The following STK10 variants were observed in gnomAD, a reference collection of about 807,000 sequenced individuals.
The protein encoded by STK10 is serine/threonine kinase 10, also known as serine/threonine-protein kinase 10.
A neutral mutation model predicts 113.8 loss-of-function variants in STK10; 78 were observed. The ratio of observed to expected loss-of-function variants is 0.69; its 90% CI spans 0.57 to 0.83. The LOEUF is 0.83. STK10 is among the 40% of genes least tolerant of loss of function. The probability of loss-of-function intolerance (pLI) is 0.00; values close to 1 mark genes in which losing one functional copy is unlikely to be tolerated. For missense variants in STK10, 1,109 were observed against 1,280.1 expected (o/e 0.87, Z 2.04); for synonymous variants, 465 against 494.7 (o/e 0.94, Z 0.80).
chr5:172,079,170 G>A (rs982975162), intron 12 of STK10, among the ~76,000 whole-genome samples: 1 of 152,166 alleles, frequency 6.6e-6, no homozygotes, highest in African/African-American at 2.4e-5. Context: ...GCCCTACGTG[G>A]TCTCTGCCTA....
intron 1 of STK10, among the ~76,000 whole-genome samples, chr5:172,162,438 T>G (rs1016908565): frequency 3.3e-5 from 5 of 152,072 alleles, no homozygotes; most frequent in African/African-American, 4.8e-5. Context: ...TCACTTGCTC[T>G]CTCTCTCTCT....
At chr5:172,179,350 C>A (rs1187481611) in intron 1 of STK10, among the ~76,000 whole-genome samples, 2 of 152,190 alleles carry the variant, frequency 1.3e-5, no homozygotes, top group Non-Finnish European at 2.9e-5. Context: ...TCACCACCAC[C>A]CTGTTCCACT....
At chr5:172,143,711 A>C (rs929359357) in intron 2 of STK10, among the ~76,000 whole-genome samples, 1 of 152,220 alleles carries the variant, frequency 6.6e-6, no homozygotes, top group Non-Finnish European at 1.5e-5. Flanking sequence ...GGTCATTTGC[A>C]ACATGGACTA....
chr5:172,132,374 T>G (rs981718607), intron 2 of STK10, among the ~76,000 whole-genome samples: 7 of 149,662 alleles, frequency 4.7e-5, no homozygotes, highest in East Asian at 1.9e-4. Flanking sequence ...GGGGCTTTAG[T>G]TTTTTTTTAA....
chr5:172,136,394 G>A (rs779736157), intron 2 of STK10, among the ~76,000 whole-genome samples: 12 of 152,070 alleles, frequency 7.9e-5, no homozygotes, highest in African/African-American at 1.4e-4. Context: ...TCAGGAGTTC[G>A]AGACCAGCCT....
At chr5:172,051,282 T>C (rs887066943) in intron 18 of STK10, among the ~76,000 whole-genome samples, 1 of 152,154 alleles carries the variant, frequency 6.6e-6, no homozygotes, top group Admixed American at 6.6e-5. Flanking sequence ...TGCACACCTG[T>C]AGTCCCAGCT....
At chr5:172,046,013 A>T (rs1444752966) in intron 18 of STK10, among the ~76,000 whole-genome samples, 2 of 151,820 alleles carry the variant, frequency 1.3e-5, no homozygotes, top group African/African-American at 4.8e-5. Context: ...AGAAACTGGA[A>T]ATCAAGATTT....
rs753426352 is a variant in STK10 at position 172,096,507 on chromosome 5, A to G, written c.924T>C (p.Ala308=). Residue 308 remains alanine, a synonymous_variant, in exon 8 of 19, where the codon GCT becomes GCC. Transcript: ENST00000176763. ...TSNKALRELV[A]EAKAEVMEEI... is the part of the protein sequence containing the mutation. Reference sequence around the variant, plus strand: ...CTTCCATCACCTCGGCCTTGGCCTCAGCCACCAGCTCCCGCAGAGCCTTGT... The same window carrying G: ...CTTCCATCACCTCGGCCTTGGCCTCGGCCACCAGCTCCCGCAGAGCCTTGT... The G allele has an allele frequency of 2.5e-6, 4 of 1,613,746 alleles. No individual in the cohort carries two copies. The highest frequency in any genetic ancestry group is 1.6e-4 in the Middle Eastern group (1 of 6,062).
chr5:172,045,266 T>C lies in STK10; in HGVS notation c.2767-244A>G, dbSNP rs1253800869. On this transcript the variant is annotated intron_variant, in intron 18 of 18. Coordinates refer to ENST00000176763, the MANE Select transcript of STK10 (RefSeq NM_005990.4). ...CTGAAGGGTACAGTTGGGGGAAATG[T>C]CAATCTAGACGGGGCAGGGAGGAAA... 5.3e-5 allele frequency among the ~76,000 whole-genome samples: 8 copies of C among 151,926 alleles called. No homozygotes were observed. The South Asian group carries it at 1.7e-3, about 32-fold the overall frequency.
intron 2 of STK10, among the ~76,000 whole-genome samples, chr5:172,144,932 T>C (rs1475509563): frequency 2.6e-5 from 4 of 152,022 alleles, no homozygotes; most frequent in Non-Finnish European, 5.9e-5. Context: ...CACCTCAGGA[T>C]GGAACCAAGG....
At chr5:172,179,466 C>T (rs1485941793) in intron 1 of STK10, among the ~76,000 whole-genome samples, 1 of 152,190 alleles carries the variant, frequency 6.6e-6, no homozygotes, top group Admixed American at 6.5e-5. Flanking sequence ...CTTGGCAGGC[C>T]AGGCCACAGG....
At chr5:172,140,813 C>A (rs1159970878) in intron 2 of STK10, among the ~76,000 whole-genome samples, 1 of 152,102 alleles carries the variant, frequency 6.6e-6, no homozygotes, top group Non-Finnish European at 1.5e-5. Flanking sequence ...GATACCTGCA[C>A]CCCCATGTTC....
chr5:172,116,379 G>A (rs1377974063), intron 4 of STK10, among the ~76,000 whole-genome samples: 2 of 152,042 alleles, frequency 1.3e-5, no homozygotes, highest in South Asian at 2.1e-4. Flanking sequence ...ACCATGCCTG[G>A]CCGAAAATCA....
Position 172,162,944 on chromosome 5 carries a change from T to C in STK10, c.157-6156A>G, listed in dbSNP as rs576738855. Among the ~76,000 whole-genome samples, 9 of 152,278 alleles carry C rather than the reference T, an allele frequency of 5.9e-5. No homozygotes were observed. In the East Asian group the frequency reaches 9.6e-4, roughly 16 times the overall value. On this transcript the variant is annotated intron_variant, in intron 1 of 18. Transcript: ENST00000176763. Reference sequence around the variant, plus strand: ...GGCCAGGCCTCAGCCAGTACCAGTGTCAACACAAGGCACGCCCGCTACCCA... The same window carrying C: ...GGCCAGGCCTCAGCCAGTACCAGTGCCAACACAAGGCACGCCCGCTACCCA...
chr5:172,172,809 G>A lies in STK10; in HGVS notation c.156+15078C>T, dbSNP rs948427651. Among the ~76,000 whole-genome samples the A allele has an allele frequency of 3.3e-5, 5 of 152,026 alleles. No individual in the cohort carries two copies. In the East Asian group the frequency reaches 9.6e-4, roughly 29 times the overall value. ...AGCCTGGCCAATATGGTGAAACCCTGTCTCTACTAAAAATACAAAAATTAG... is the reference window on the plus strand; with the variant it reads ...AGCCTGGCCAATATGGTGAAACCCTATCTCTACTAAAAATACAAAAATTAG... On this transcript the variant is annotated intron_variant, in intron 1 of 18. Coordinates refer to ENST00000176763, the MANE Select transcript of STK10 (RefSeq NM_005990.4).
chr5:172,084,848 G>C (rs1264883224), intron 10 of STK10, among the ~76,000 whole-genome samples: 1 of 152,152 alleles, frequency 6.6e-6, no homozygotes, highest in Non-Finnish European at 1.5e-5. Flanking sequence ...GTGAGAATTT[G>C]ATGTCAGTGC....
intron 4 of STK10, 140 bp downstream of exon 4, chr5:172,117,341 C>A (rs991043400): frequency 1.2e-6 from 1 of 863,516 alleles, no homozygotes; most frequent in Non-Finnish European, 1.7e-6. Flanking sequence ...AAGGGGAGAA[C>A]TGCTGACATG....
At chr5:172,157,369 C>T (rs1017077332) in intron 1 of STK10, among the ~76,000 whole-genome samples, 1 of 152,004 alleles carries the variant, frequency 6.6e-6, no homozygotes, top group South Asian at 2.1e-4. Flanking sequence ...CAAGCCTGGC[C>T]AACATAGTGA....
At chr5:172,104,050 G>C (rs1769048488) in intron 7 of STK10, among the ~76,000 whole-genome samples, 1 of 152,228 alleles carries the variant, frequency 6.6e-6, no homozygotes, top group African/African-American at 2.4e-5. Flanking sequence ...CAGTGGCTCA[G>C]AATGCCGACC....
Sources: allele counts gnomAD v4.1 joint callset (sites outside exome capture counted in the v4.1 genomes callset), GRCh38; gene constraint gnomAD v4.1.1; transcripts MANE v1.5; gene names NCBI Gene and HGNC (gene_info 2026-07-23, HGNC 2026-07-21).